CPED1: variants seen among roughly 807,000 people sequenced by gnomAD.
CPED1 encodes the protein cadherin-like and PC-esterase domain-containing protein 1.
A neutral mutation model predicts 128.2 loss-of-function variants in CPED1; 114 were observed. That is an observed-to-expected ratio of 0.89 (90% confidence interval 0.76 to 1.04). CPED1 has a LOEUF of 1.04. Ranked by LOEUF, CPED1 falls within the 50% of genes least tolerant of loss-of-function variation. The probability of loss-of-function intolerance (pLI) is 0.00; values close to 1 mark genes in which losing one functional copy is unlikely to be tolerated. For missense variants in CPED1, 1,211 were observed against 1,207.1 expected (o/e 1.00, Z -0.05); for synonymous variants, 462 against 426.7 (o/e 1.08, Z -1.02).
chr7:121,131,133 A>G (rs2116336190), intron 12 of CPED1, among the ~76,000 whole-genome samples: 1 of 152,242 alleles, frequency 6.6e-6, no homozygotes, highest in South Asian at 2.1e-4. Flanking sequence ...CTTCAGCTCT[A>G]TTGACTTACA....
At chr7:121,205,293 C>G (rs961127787) in intron 16 of CPED1, among the ~76,000 whole-genome samples, 3 of 152,004 alleles carry the variant, frequency 2.0e-5, no homozygotes, top group Non-Finnish European at 2.9e-5. Flanking sequence ...TTATACATCC[C>G]ACTCATCTGT....
intron 5 of CPED1, among the ~76,000 whole-genome samples, chr7:121,072,029 C>T (rs1237784750): frequency 6.6e-6 from 1 of 152,110 alleles, no homozygotes; most frequent in Non-Finnish European, 1.5e-5. Flanking sequence ...CTGTCACTTT[C>T]CCCAAGTCCA....
At chr7:121,108,785 G>A (rs1795042043) in intron 7 of CPED1, among the ~76,000 whole-genome samples, 1 of 132,470 alleles carries the variant, frequency 7.5e-6, no homozygotes, top group Non-Finnish European at 1.7e-5. Flanking sequence ...TACAAAATAT[G>A]TCAGGGATGT....
chr7:121,127,246 G>A lies in CPED1; in HGVS notation c.1291G>A (p.Asp431Asn). 1.3e-6 allele frequency: 2 copies of A among 1,575,386 alleles called. No homozygotes were observed. The highest frequency in any genetic ancestry group is 1.7e-6 in the Non-Finnish European group (2 of 1,152,476). ...SEIFQRLYRS[D>N]VFKGENYQKE... ...GATATTTCAGAGACTTTATAGATCA[G>A]ATGTTTTCAAGGTAAGTGCATATTT... The change falls in exon 10 of 23, where the codon GAT (aspartate) becomes AAT (asparagine). Residue 431 changes from aspartate to asparagine, a missense_variant. Coordinates refer to ENST00000310396, the MANE Select transcript of CPED1 (RefSeq NM_024913.5).
At chr7:121,226,243 G>C (rs1439970286) in intron 16 of CPED1, among the ~76,000 whole-genome samples, 3 of 152,030 alleles carry the variant, frequency 2.0e-5, no homozygotes, top group Non-Finnish European at 4.4e-5. Flanking sequence ...AGGTCCCTTA[G>C]CTGCAGGTCT....
intron 16 of CPED1, among the ~76,000 whole-genome samples, chr7:121,152,891 A>T (rs962585805): frequency 6.6e-6 from 1 of 152,210 alleles, no homozygotes; most frequent in African/African-American, 2.4e-5. Flanking sequence ...GTGATTACAA[A>T]CATTTCAGAA....
chr7:121,120,145 G>A (rs985136308), intron 7 of CPED1, among the ~76,000 whole-genome samples: 2 of 152,132 alleles, frequency 1.3e-5, no homozygotes, highest in African/African-American at 4.8e-5. Context: ...CCTGCTTTCA[G>A]TTATGCTGAC....
chr7:121,100,134 C>G, intron 7 of CPED1, 40 bp downstream of exon 7: 1 of 1,592,172 alleles, frequency 6.3e-7, no homozygotes, highest in Non-Finnish European at 8.6e-7. Flanking sequence ...CGTAAGTACA[C>G]TGAAGTAAAG....
rs1563024855 is a variant in CPED1, at chr7:121,098,775, T to TAA, written c.749+945_749+946insAA. Among the ~76,000 whole-genome samples the TAA allele has an allele frequency of 7.8e-4, 92 of 117,198 alleles. 1 individual carries two copies. The highest frequency in any genetic ancestry group is 2.6e-3 in the African/African-American group (83 of 32,008). The allele number at this position is 117,198 out of a possible 152,430, so 76.9% of individuals were successfully genotyped here. A position where few individuals can be genotyped will look rare whatever the true frequency, so the allele number is the denominator to read the frequency against. ...ATATAAAAATATATATAAATATATA[T>TAA]ATATAAAAATATATAAAAATATATA... On this transcript the variant is annotated intron_variant, in intron 6 of 22. Transcript: ENST00000310396.
intron 16 of CPED1, among the ~76,000 whole-genome samples, chr7:121,202,870 T>C (rs1797430592): frequency 6.6e-6 from 1 of 152,158 alleles, no homozygotes. Context: ...AACCCAGGTC[T>C]TCTGATTCAT....
chr7:121,138,402 C>T (rs1433657496), intron 14 of CPED1, among the ~76,000 whole-genome samples: 1 of 152,024 alleles, frequency 6.6e-6, no homozygotes, highest in Non-Finnish European at 1.5e-5. Context: ...AAGCAAACAC[C>T]AGGTGTTTTT....
intron 17 of CPED1, among the ~76,000 whole-genome samples, chr7:121,243,866 C>A (rs1053682270): frequency 1.3e-4 from 20 of 152,152 alleles, no homozygotes; most frequent in African/African-American, 4.8e-4. Flanking sequence ...GTGGGGCTCC[C>A]AGTCTATTAA....
intron 5 of CPED1, among the ~76,000 whole-genome samples, chr7:121,078,688 C>T (rs77010436): frequency 0.012 from 1,755 of 152,176 alleles, 33 homozygotes; most frequent in African/African-American, 0.04. Context: ...TTCAGAAATG[C>T]AGCCACTTCC....
chr7:121,264,557 G>A (rs1375549199), intron 18 of CPED1, among the ~76,000 whole-genome samples: 1 of 151,986 alleles, frequency 6.6e-6, no homozygotes, highest in African/African-American at 2.4e-5. Flanking sequence ...AAGGCAAATT[G>A]GAGAAGCTTT....
chr7:121,084,087 C>G (rs1794361468), intron 5 of CPED1, among the ~76,000 whole-genome samples: 1 of 152,150 alleles, frequency 6.6e-6, no homozygotes, highest in Admixed American at 6.5e-5. Flanking sequence ...ATTCTAAAAT[C>G]ATTACAAAAA....
intron 16 of CPED1, among the ~76,000 whole-genome samples, chr7:121,221,110 T>TC (rs1204620514): frequency 2.0e-5 from 3 of 151,998 alleles, no homozygotes; most frequent in African/African-American, 7.2e-5. Flanking sequence ...ATGCTATCTG[T>TC]CCCCAAGTCC....
chr7:121,234,315 A>G (rs926981132), intron 16 of CPED1, among the ~76,000 whole-genome samples: 1 of 152,070 alleles, frequency 6.6e-6, no homozygotes, highest in African/African-American at 2.4e-5. Flanking sequence ...ACTTAGTGTC[A>G]CACAGCCGGT....
At chr7:121,109,775 T>C (rs1347052850) in intron 7 of CPED1, among the ~76,000 whole-genome samples, 1 of 152,186 alleles carries the variant, frequency 6.6e-6, no homozygotes, top group African/African-American at 2.4e-5. Context: ...GAATATTTGT[T>C]CAAATCACAC....
chr7:121,295,986 A>T lies in CPED1; in HGVS notation c.*334A>T. The T allele has an allele frequency of 5.4e-6, 1 of 186,546 alleles. No individual in the cohort carries two copies. 11.6% of individuals were successfully genotyped at this position (186,546 alleles called of 1,614,324 possible). On this transcript the variant is annotated 3_prime_UTR_variant, in exon 23 of 23. Coordinates refer to ENST00000310396, the MANE Select transcript of CPED1 (RefSeq NM_024913.5). ...AAGAGAAATATAGACACTTAAAATTATGTGAAAAAAAGGATAATGCTCTTT... is the reference window on the plus strand; with the variant it reads ...AAGAGAAATATAGACACTTAAAATTTTGTGAAAAAAAGGATAATGCTCTTT...
Sources: allele counts gnomAD v4.1 joint callset (sites outside exome capture counted in the v4.1 genomes callset), GRCh38; gene constraint gnomAD v4.1.1; transcripts MANE v1.5; gene names NCBI Gene and HGNC (gene_info 2026-07-23, HGNC 2026-07-21).